CD2AP: variants seen among roughly 807,000 people sequenced by gnomAD.
CD2AP encodes CD2-associated protein.
Under a neutral mutation model 85.1 loss-of-function variants are expected in CD2AP, and 46 were observed. The observed-to-expected ratio is 0.54, with a 90% CI of 0.43 to 0.69. The LOEUF is 0.69. CD2AP is among the 30% of genes least tolerant of loss of function. The pLI, the probability that CD2AP is intolerant of heterozygous loss-of-function variation, is 0.00. For missense variants in CD2AP, 769 were observed against 729.5 expected, an observed-to-expected ratio of 1.05 and a Z score of -0.62; for synonymous variants, 255 against 252.9, an observed-to-expected ratio of 1.01 and a Z score of -0.08.
At chr6:47,504,720 A>G (rs1368062404) in intron 2 of CD2AP, among the ~76,000 whole-genome samples, 1 of 152,226 alleles carries the variant, frequency 6.6e-6, no homozygotes, top group African/African-American at 2.4e-5. Context: ...GACCACCACA[A>G]TAGAGCAAAT....
chr6:47,485,237 G>GA (rs909055163), intron 1 of CD2AP, among the ~76,000 whole-genome samples: 24 of 152,196 alleles, frequency 1.6e-4, no homozygotes, highest in African/African-American at 5.8e-4. Flanking sequence ...GGGTATTCCA[G>GA]AAAAAGGCAT....
At chr6:47,511,985 C>G (rs1420153795) in intron 2 of CD2AP, among the ~76,000 whole-genome samples, 1 of 151,956 alleles carries the variant, frequency 6.6e-6, no homozygotes, top group Non-Finnish European at 1.5e-5. Context: ...GGAGAAACCC[C>G]GTCTCTACTA....
chr6:47,512,792 T>C lies in CD2AP; in HGVS notation c.165+9352T>C, dbSNP rs929481485. Among the ~76,000 whole-genome samples, 8 of 152,360 alleles carry C rather than the reference T, an allele frequency of 5.3e-5. No homozygotes were observed. The South Asian group carries it at 1.7e-3, about 32-fold the overall frequency. On this transcript the variant is annotated intron_variant, in intron 2 of 17. Transcript: ENST00000359314. ...TTCTCTTCCTTTGCAGGACCACCTGTGTTCTTAAGTTGTATGTATCCTTTA... is the reference window on the plus strand; with the variant it reads ...TTCTCTTCCTTTGCAGGACCACCTGCGTTCTTAAGTTGTATGTATCCTTTA...
intron 3 of CD2AP, among the ~76,000 whole-genome samples, chr6:47,534,084 A>C (rs1406173657): frequency 6.6e-6 from 1 of 152,230 alleles, no homozygotes; most frequent in Non-Finnish European, 1.5e-5. Context: ...GCTGATTCTT[A>C]GCATAGATAC....
At chr6:47,545,478 C>G (rs1453154814) in intron 4 of CD2AP, among the ~76,000 whole-genome samples, 1 of 152,176 alleles carries the variant, frequency 6.6e-6, no homozygotes, top group African/African-American at 2.4e-5. Context: ...AGCCTATCAC[C>G]TGTTCCTCCC....
chr6:47,554,866 C>A, intron 5 of CD2AP, 100 bp downstream of exon 5: 1 of 1,237,242 alleles, frequency 8.1e-7, no homozygotes, highest in Non-Finnish European at 1.1e-6. Context: ...TTCTTTTGAA[C>A]TTTGAGTCAG....
chr6:47,492,371 G>C (rs370684065), intron 1 of CD2AP, among the ~76,000 whole-genome samples: 1 of 13,894 alleles, frequency 7.2e-5, no homozygotes, highest in East Asian at 1.8e-3. Flanking sequence ...TTTTTTTTTT[G>C]AGACAGGGTC....
chr6:47,614,646 A>T (rs1185592245), intron 17 of CD2AP, among the ~76,000 whole-genome samples: 1 of 152,224 alleles, frequency 6.6e-6, no homozygotes, highest in Non-Finnish European at 1.5e-5. Context: ...CAGTGATACA[A>T]AGTGATCACA....
chr6:47,589,452 A>G (rs1477514436), intron 11 of CD2AP, among the ~76,000 whole-genome samples: 1 of 151,140 alleles, frequency 6.6e-6, no homozygotes, highest in Non-Finnish European at 1.5e-5. Flanking sequence ...ACACACAAAT[A>G]TATATACATA....
intron 17 of CD2AP, among the ~76,000 whole-genome samples, chr6:47,618,158 A>C (rs1769645316): frequency 6.6e-6 from 1 of 152,090 alleles, no homozygotes; most frequent in African/African-American, 2.4e-5. Context: ...GTCTCTACTA[A>C]AAAATATAAA....
chr6:47,599,167 G>A lies in CD2AP; in HGVS notation c.1275-134G>A, dbSNP rs1028887770. On this transcript the variant is annotated intron_variant, in intron 12 of 17. Coordinates refer to ENST00000359314, the MANE Select transcript of CD2AP (RefSeq NM_012120.3). Reference sequence around the variant, plus strand: ...GATCAGCCTTAGGAGAGAGTTTTGCGTTTATGGAAATGGTTTTACAGAACA... The same window carrying A: ...GATCAGCCTTAGGAGAGAGTTTTGCATTTATGGAAATGGTTTTACAGAACA... 1.1e-4 allele frequency: 72 copies of A among 648,690 alleles called. 3 individuals carry two copies. The highest frequency in any genetic ancestry group is 8.7e-4 in the South Asian group (48 of 55,098). 40.2% of individuals were successfully genotyped at this position (648,690 alleles called of 1,614,324 possible).
intron 11 of CD2AP, among the ~76,000 whole-genome samples, chr6:47,595,441 G>C (rs1768914306): frequency 6.6e-6 from 1 of 151,612 alleles, no homozygotes; most frequent in African/African-American, 2.4e-5. Context: ...TGTTATATAG[G>C]ACTTGAGTTT....
chr6:47,608,935 C>T (rs978366064), intron 15 of CD2AP, among the ~76,000 whole-genome samples, 188 bp from the exon 16 acceptor site: 4 of 152,148 alleles, frequency 2.6e-5, no homozygotes, highest in Non-Finnish European at 5.9e-5. Context: ...ACAAAAACCA[C>T]TAATGATTAC....
At chr6:47,590,830 G>T (rs1013886096) in intron 11 of CD2AP, among the ~76,000 whole-genome samples, 2 of 152,014 alleles carry the variant, frequency 1.3e-5, no homozygotes, top group African/African-American at 4.8e-5. Flanking sequence ...AAAGCATCAG[G>T]CCACAAAACC....
chr6:47,619,597 C>T lies in CD2AP; in HGVS notation c.1879-4589C>T, dbSNP rs370213675. ...GGGTAGATACCCAGTAGTGGGATTG[C>T]TGGATCAAATGGTGGTTCTACTTTT... On this transcript the variant is annotated intron_variant, in intron 17 of 17. Transcript: ENST00000359314. 6.6e-5 allele frequency among the ~76,000 whole-genome samples: 10 copies of T among 152,270 alleles called. No homozygotes were observed. In the East Asian group the frequency reaches 1.4e-3, roughly 21 times the overall value.
chr6:47,501,378 C>A (rs767370373), intron 1 of CD2AP, among the ~76,000 whole-genome samples: 1 of 152,220 alleles, frequency 6.6e-6, no homozygotes, highest in Non-Finnish European at 1.5e-5. Flanking sequence ...ACCTGCTCAA[C>A]TGTAGTTGGC....
intron 17 of CD2AP, among the ~76,000 whole-genome samples, chr6:47,615,342 T>TG (rs1314290648): frequency 6.6e-6 from 1 of 152,228 alleles, no homozygotes; most frequent in East Asian, 1.9e-4. Flanking sequence ...AGGCTACTCT[T>TG]GCATTGCTAT....
At chr6:47,556,253 T>A (rs1230164507) in intron 5 of CD2AP, among the ~76,000 whole-genome samples, 2 of 146,254 alleles carry the variant, frequency 1.4e-5, no homozygotes, top group East Asian at 4.1e-4. Context: ...GTGTGTGATG[T>A]TCCCCTCCCT....
chr6:47,616,983 T>G (rs978020140), intron 17 of CD2AP, among the ~76,000 whole-genome samples: 2 of 152,194 alleles, frequency 1.3e-5, no homozygotes, highest in African/African-American at 4.8e-5. Flanking sequence ...AATTTTGTTT[T>G]TAGAGACAGG....
Sources: allele counts gnomAD v4.1 joint callset (sites outside exome capture counted in the v4.1 genomes callset), GRCh38; gene constraint gnomAD v4.1.1; transcripts MANE v1.5; gene names NCBI Gene and HGNC (gene_info 2026-07-23, HGNC 2026-07-21).